Variants in BRCA1 observed in about 807,000 individuals in gnomAD.
BRCA1 encodes breast cancer type 1 susceptibility protein.
Under a neutral mutation model 173.7 loss-of-function variants are expected in BRCA1, and 140 were observed. That is an observed-to-expected ratio of 0.81 (90% CI 0.70 to 0.93). BRCA1 has a LOEUF of 0.93. Ranked by LOEUF, BRCA1 falls within the 40% of genes least tolerant of loss-of-function variation. The pLI is 0.00. For synonymous variants in BRCA1, 662 were observed against 756.0 expected (o/e 0.88, Z 2.04); for missense variants, 1,983 against 2,172.5 (o/e 0.91, Z 1.73).
Position 43,100,537 on chromosome 17 carries a change from CAT to C in BRCA1, c.442-659_442-658del, listed in dbSNP as rs1201598576. 2.6e-3 allele frequency among the ~76,000 whole-genome samples: 90 copies of C among 34,430 alleles called. 5 individuals are homozygous for C. Among genetic ancestry groups the C allele is most frequent in the African/African-American group, 5.9e-3 (85 of 14,344 alleles). The allele number at this position is 34,430 out of a possible 152,430, so 22.6% of individuals were successfully genotyped here. A position where few individuals can be genotyped will look rare whatever the true frequency, so the allele number is the denominator to read the frequency against. ...GTGTGTGTGTGTGTATATATATATA[CAT>C]ATATATGTGTGTGTGTGTGTATATA... On this transcript the variant is annotated intron_variant, in intron 6 of 22. Coordinates refer to ENST00000357654, the MANE Select transcript of BRCA1 (RefSeq NM_007294.4).
chr17:43,136,865 CAG>C (rs1194396105), intron 1 of BRCA1, among the ~76,000 whole-genome samples: 3 of 152,204 alleles, frequency 2.0e-5, no homozygotes, highest in African/African-American at 4.8e-5. Context: ...TTGTGGAAAA[CAG>C]TGTGGTGATT....
At chr17:43,047,546 T>A in intron 22 of BRCA1, 97 bp downstream of exon 22, 1 of 1,183,114 alleles carries the variant, frequency 8.5e-7, no homozygotes, top group East Asian at 2.3e-5. Flanking sequence ...ATTTAAAATG[T>A]GCCAAGAACT....
intron 1 of BRCA1, among the ~76,000 whole-genome samples, chr17:43,150,330 G>A (rs71379208): frequency 0.014 from 2,124 of 152,060 alleles, 69 homozygotes; most frequent in African/African-American, 0.049. Flanking sequence ...GGCTGGTCTC[G>A]AACTCCTGGC....
chr17:43,074,327 T>G lies in BRCA1; in HGVS notation c.4675+4A>C, dbSNP rs2153986310. 6.2e-7 allele frequency: 1 copy of G among 1,613,940 alleles called. No individual in the cohort carries two copies. Among genetic ancestry groups the G allele is most frequent in the Non-Finnish European group, 8.5e-7 (1 of 1,179,814 alleles). On this transcript the variant is annotated splice_donor_region_variant and intron_variant, in intron 14 of 22. Transcript: ENST00000357654. ...TTGTTCCAATACAGCAGATGAAATA[T>G]TACCTAGATCTTGCCTTGGCAAGTA... is the stretch of plus-strand genomic sequence containing the variant.
chr17:43,079,208 T>C lies in BRCA1; in HGVS notation c.4358-2594A>G, dbSNP rs916328796. On this transcript the variant is annotated intron_variant, in intron 12 of 22. Coordinates refer to ENST00000357654, the MANE Select transcript of BRCA1 (RefSeq NM_007294.4). ...ACAAAACAAAACAAAACAAAAAAAA[T>C]GAAAGGCAGAGGGAAGGCTCAGATA... 4.0e-6 allele frequency: 3 copies of C among 759,448 alleles called. No homozygotes were observed. The Admixed American group carries it at 6.9e-5, about 18-fold the overall frequency. 47.0% of individuals were successfully genotyped at this position (759,448 alleles called of 1,614,324 possible).
intron 6 of BRCA1, 25 bp from the exon 7 acceptor site, chr17:43,099,905 C>A (rs2154530167): frequency 6.4e-7 from 1 of 1,564,858 alleles, no homozygotes; most frequent in South Asian, 1.1e-5. Flanking sequence ...AAAGAACAGT[C>A]AAGCAATTGT....
At chr17:43,161,799 G>C (rs779567334) in intron 1 of BRCA1, 1 of 152,060 alleles carries the variant, frequency 6.6e-6, no homozygotes, top group Non-Finnish European at 1.5e-5. Context: ...ACTAATTCTC[G>C]GGCTTCCCAT....
intron 3 of BRCA1, 97 bp downstream of exon 3, chr17:43,115,628 TG>T (rs2055233964): frequency 2.5e-6 from 3 of 1,203,756 alleles, no homozygotes; most frequent in Non-Finnish European, 3.6e-6. Flanking sequence ...CTCACTTAAT[TG>T]AAGAAAGTAA....
intron 13 of BRCA1, 70 bp downstream of exon 13, chr17:43,076,418 A>G: frequency 6.3e-7 from 1 of 1,582,904 alleles, no homozygotes; most frequent in Non-Finnish European, 8.7e-7. Flanking sequence ...GGTGAAAAAA[A>G]TTAACAATCA....
chr17:43,070,863 A>G (rs2052348287), intron 15 of BRCA1, 65 bp downstream of exon 15: 1 of 1,567,414 alleles, frequency 6.4e-7, no homozygotes, highest in South Asian at 1.1e-5. Flanking sequence ...CAATACCTAC[A>G]TAAAACTCTT....
In BRCA1 at chr17:43,114,335, G is replaced by A. The variant is rs79415432; in HGVS notation, c.134+1391C>T. 3.6e-3 allele frequency among the ~76,000 whole-genome samples: 547 copies of A among 150,876 alleles called. 2 individuals are homozygous for A. Among genetic ancestry groups the A allele is most frequent in the African/African-American group, 0.012 (509 of 40,990 alleles). On this transcript the variant is annotated intron_variant, in intron 3 of 22. Transcript: ENST00000357654. ...AGAAAGATTCTCATCCAGATAAATT[G>A]AAAGCCCCAGGGCTTTAAAGGTTAA...
intron 19 of BRCA1, among the ~76,000 whole-genome samples, chr17:43,055,427 C>T (rs1163254115): frequency 6.7e-6 from 1 of 149,816 alleles, no homozygotes; most frequent in East Asian, 2.0e-4. Context: ...GCGGGTGGAT[C>T]ACTGGAGGCC....
chr17:43,093,915 G>T lies in BRCA1; in HGVS notation c.1616C>A (p.Thr539Lys), dbSNP rs80357374. Residue 539 changes from threonine to lysine, a missense_variant, in exon 10 of 23, where the codon ACG becomes AAG. Thr to Lys is a moderately conservative substitution (Grantham distance 78, BLOSUM62 -1). Transcript: ENST00000357654. Reference sequence around the variant, plus strand: ...ATTCATCACTTGACCATTCTGCTCCGTTTGGTTAGTTCCCTGATTTATCAT... The same window carrying T: ...ATTCATCACTTGACCATTCTGCTCCTTTTGGTTAGTTCCCTGATTTATCAT... ...PEMINQGTNQTEQNGQVMNIT... is the reference protein window; with the variant it reads ...PEMINQGTNQKEQNGQVMNIT... The T allele has an allele frequency of 1.2e-6, 2 of 1,613,808 alleles. No homozygotes were observed. Among genetic ancestry groups the T allele is most frequent in the Non-Finnish European group, 1.7e-6 (2 of 1,179,930 alleles).
chr17:43,094,500 G>A lies in BRCA1; in HGVS notation c.1031C>T (p.Ala344Val), dbSNP rs876658636. The A allele has an allele frequency of 6.2e-7, 1 of 1,613,942 alleles. No individual in the cohort carries two copies. Among genetic ancestry groups the A allele is most frequent in the Non-Finnish European group, 8.5e-7 (1 of 1,180,006 alleles). ...TTCTTTTCTCTCACACAGGGGATCA[G>A]CATTCAGATCTACCTTTTTTTCTGT... ...PSTEKKVDLN[A>V]DPLCERKEWN... The change falls in exon 10 of 23, where the codon GCT (alanine) becomes GTT (valine). Residue 344 changes from alanine (A) to valine (V), a missense_variant. Ala to Val is a moderately conservative substitution (Grantham distance 64, BLOSUM62 0). Coordinates refer to ENST00000357654, the MANE Select transcript of BRCA1 (RefSeq NM_007294.4).
At chr17:43,081,129 TAAC>T (rs745557486) in intron 12 of BRCA1, among the ~76,000 whole-genome samples, 25 of 152,230 alleles carry the variant, frequency 1.6e-4, no homozygotes, top group Non-Finnish European at 3.7e-4. Context: ...CACACAATAA[TAAC>T]ATTTTAAATC....
chr17:43,126,304 G>A (rs905951860), upstream of BRCA1, among the ~76,000 whole-genome samples: 1 of 152,212 alleles, frequency 6.6e-6, no homozygotes. Flanking sequence ...GGGACAAGTG[G>A]TAAGAGCCAA....
intron 16 of BRCA1, 103 bp downstream of exon 16, chr17:43,067,505 C>T (rs1412964727): frequency 1.1e-5 from 10 of 897,420 alleles, no homozygotes; most frequent in South Asian, 4.1e-5. Context: ...CTGCCCGCCT[C>T]GGCCTCCCAA....
At chr17:43,068,065 C>T (rs865988285) in intron 15 of BRCA1, among the ~76,000 whole-genome samples, 103 of 151,522 alleles carry the variant, frequency 6.8e-4, no homozygotes, top group Admixed American at 4.6e-4. Context: ...ATCACAAGGT[C>T]AGGAGATCGA....
At chr17:43,168,826 T>C (rs1217474277) in intron 1 of BRCA1, among the ~76,000 whole-genome samples, 1 of 151,920 alleles carries the variant, frequency 6.6e-6, no homozygotes, top group Non-Finnish European at 1.5e-5. Context: ...TACAGGGGAG[T>C]GACTGACCGG....
Sources: allele counts gnomAD v4.1 joint callset (sites outside exome capture counted in the v4.1 genomes callset), GRCh38; gene constraint gnomAD v4.1.1; transcripts MANE v1.5; gene names NCBI Gene and HGNC (gene_info 2026-07-23, HGNC 2026-07-21).